MACROD2: variants seen among roughly 807,000 people sequenced by gnomAD.
MACROD2 encodes the protein mono-ADP ribosylhydrolase 2.
Under a neutral mutation model 70.4 loss-of-function variants are expected in MACROD2, and 36 were observed. That is an observed-to-expected ratio of 0.51 (90% CI 0.39 to 0.68). The LOEUF is 0.68. MACROD2 is among the 30% of genes least tolerant of loss of function. The pLI is 0.00. For synonymous variants in MACROD2, 172 were observed against 178.8 expected, an observed-to-expected ratio of 0.96 and a Z score of 0.30; for missense variants, 496 against 538.4, an observed-to-expected ratio of 0.92 and a Z score of 0.78.
At chr20:15,285,653 C>A (rs2077484301) in intron 6 of MACROD2, among the ~76,000 whole-genome samples, 1 of 152,166 alleles carries the variant, frequency 6.6e-6, no homozygotes, top group Non-Finnish European at 1.5e-5. Context: ...TATTAAACCT[C>A]ATTAACACAT....
chr20:15,028,106 G>A (rs1391338647), intron 5 of MACROD2, among the ~76,000 whole-genome samples: 1 of 152,210 alleles, frequency 6.6e-6, no homozygotes, highest in Non-Finnish European at 1.5e-5. Context: ...CCTAGCAAAA[G>A]GGAGGCTAAG....
At chr20:15,037,982 A>C (rs2075327047) in intron 5 of MACROD2, among the ~76,000 whole-genome samples, 1 of 152,138 alleles carries the variant, frequency 6.6e-6, no homozygotes, top group African/African-American at 2.4e-5. Flanking sequence ...GAGGCAATGG[A>C]TGTGCCAGTT....
chr20:15,949,787 A>G (rs2065880118), intron 12 of MACROD2, among the ~76,000 whole-genome samples: 1 of 152,110 alleles, frequency 6.6e-6, no homozygotes, highest in Non-Finnish European at 1.5e-5. Flanking sequence ...GATCTTCAAA[A>G]CCAGCACAAT....
At chr20:15,681,941 G>GA (rs2050165218) in intron 8 of MACROD2, among the ~76,000 whole-genome samples, 1 of 152,146 alleles carries the variant, frequency 6.6e-6, no homozygotes, top group Admixed American at 6.6e-5. Context: ...GATTCCCAAG[G>GA]TGATAGATTG....
At chr20:14,755,447 T>C (rs76407256) in intron 5 of MACROD2, among the ~76,000 whole-genome samples, 2,381 of 152,214 alleles carry the variant, frequency 0.016, 34 homozygotes, top group Non-Finnish European at 0.024. Context: ...ATTTATATGT[T>C]TTTAGGTTAG....
chr20:15,174,954 T>C (rs1289676957), intron 5 of MACROD2, among the ~76,000 whole-genome samples: 1 of 151,992 alleles, frequency 6.6e-6, no homozygotes, highest in Non-Finnish European at 1.5e-5. Context: ...ATTTTGTAGG[T>C]TGCCTGTTTA....
intron 5 of MACROD2, among the ~76,000 whole-genome samples, chr20:15,227,314 T>C (rs572563569): frequency 4.3e-4 from 66 of 152,128 alleles, no homozygotes; most frequent in Non-Finnish European, 7.1e-4. Flanking sequence ...CCTACACTTA[T>C]GGGCTTTTCT....
chr20:15,251,489 T>G (rs2077155667), intron 6 of MACROD2, among the ~76,000 whole-genome samples: 1 of 152,150 alleles, frequency 6.6e-6, no homozygotes, highest in South Asian at 2.1e-4. Context: ...AAAAAGCCCA[T>G]AAAACAAATT....
In MACROD2 at chr20:15,318,599, A is replaced by G. The variant is rs2077839958; in HGVS notation, c.540+88538A>G. Among the ~76,000 whole-genome samples, 8 of 152,278 alleles carry G rather than the reference A, an allele frequency of 5.3e-5. No individual in the cohort carries two copies. In the South Asian group the frequency reaches 1.7e-3, roughly 32 times the overall value. On this transcript the variant is annotated intron_variant, in intron 6 of 17. Coordinates refer to ENST00000684519, the MANE Select transcript of MACROD2 (RefSeq NM_001351661.2). ...GAAATACTAGCAAACTCAATTTAAT[A>G]GCATATTAAAAGGATTATACATTAT...
intron 5 of MACROD2, among the ~76,000 whole-genome samples, chr20:14,831,648 C>T (rs890088556): frequency 1.3e-5 from 2 of 151,254 alleles, no homozygotes; most frequent in African/African-American, 2.4e-5. Flanking sequence ...GGTGTGGTGG[C>T]GGGCGCTTGT....
intron 8 of MACROD2, among the ~76,000 whole-genome samples, chr20:15,856,812 T>C (rs1331371746): frequency 6.6e-6 from 1 of 152,206 alleles, no homozygotes; most frequent in Non-Finnish European, 1.5e-5. Context: ...AGCTTGTTCA[T>C]AAAAGAGCAA....
chr20:14,892,777 C>A (rs2073778754), intron 5 of MACROD2: 1 of 152,142 alleles, frequency 6.6e-6, no homozygotes, highest in African/African-American at 2.4e-5. Flanking sequence ...CTCCTGGGCT[C>A]AAGTAATTCT....
intron 5 of MACROD2, among the ~76,000 whole-genome samples, chr20:15,114,022 G>T (rs2075975000): frequency 6.6e-6 from 1 of 152,096 alleles, no homozygotes; most frequent in Admixed American, 6.6e-5. Context: ...TTGAAGTCTG[G>T]CAGGCCTACC....
chr20:14,958,712 C>G (rs1347396116), intron 5 of MACROD2, among the ~76,000 whole-genome samples: 1 of 152,156 alleles, frequency 6.6e-6, no homozygotes, highest in East Asian at 1.9e-4. Flanking sequence ...GCCCTGTAGG[C>G]CATTTCTCCT....
chr20:14,009,179 C>T (rs1356711023), intron 2 of MACROD2, among the ~76,000 whole-genome samples: 3 of 152,118 alleles, frequency 2.0e-5, no homozygotes, highest in Admixed American at 6.5e-5. Flanking sequence ...AACAGAGAAC[C>T]TACAGAATGG....
intron 4 of MACROD2, among the ~76,000 whole-genome samples, chr20:14,590,320 G>T (rs1981677704): frequency 6.6e-6 from 1 of 152,108 alleles, no homozygotes; most frequent in African/African-American, 2.4e-5. Flanking sequence ...ATGAAAATTT[G>T]TACTGTCACT....
intron 8 of MACROD2, among the ~76,000 whole-genome samples, chr20:15,765,783 TAGAC>T (rs1333574885): frequency 6.6e-6 from 1 of 152,066 alleles, no homozygotes; most frequent in African/African-American, 2.4e-5. Context: ...ATTGGTGAGA[TAGAC>T]AGATAATAGA....
intron 5 of MACROD2, among the ~76,000 whole-genome samples, chr20:15,114,935 A>C (rs535338405): frequency 6.6e-6 from 1 of 152,274 alleles, no homozygotes; most frequent in African/African-American, 2.4e-5. Flanking sequence ...AAGAATGAAA[A>C]AGAGGCTGTA....
intron 5 of MACROD2, among the ~76,000 whole-genome samples, chr20:15,139,925 T>C (rs1338096304): frequency 6.6e-6 from 1 of 152,186 alleles, no homozygotes; most frequent in Non-Finnish European, 1.5e-5. Flanking sequence ...GAGACTGCGA[T>C]GCAGTTCGCA....
Sources: gnomAD v4.1 joint callset for allele counts (sites outside exome capture counted in the v4.1 genomes callset) on GRCh38, gnomAD v4.1.1 for gene constraint, MANE v1.5 for transcripts, NCBI Gene and HGNC (gene_info 2026-07-23, HGNC 2026-07-21) for gene names.